The following ITFG2 variants were observed in gnomAD, a reference collection of about 807,000 sequenced individuals.
ITFG2 encodes the protein KICSTOR complex protein ITFG2.
A neutral mutation model predicts 54.4 loss-of-function variants in ITFG2; 36 were observed. The ratio of observed to expected loss-of-function variants is 0.66; its 90% CI spans 0.51 to 0.87. The LOEUF (loss-of-function observed/expected upper bound fraction) is 0.87, where lower values mean the gene tolerates loss of function less well. Ranked by LOEUF, ITFG2 falls within the 40% of genes least tolerant of loss-of-function variation. The pLI, the probability that ITFG2 is intolerant of heterozygous loss-of-function variation, is 0.00. For synonymous variants in ITFG2, 211 were observed against 225.4 expected (o/e 0.94, Z 0.57); for missense variants, 524 against 576.7 (o/e 0.91, Z 0.94).
chr12:2,833,791 A>G (rs2098014853), upstream of ITFG2, among the ~76,000 whole-genome samples: 2 of 152,184 alleles, frequency 1.3e-5, no homozygotes, highest in African/African-American at 4.8e-5. Context: ...TGCTTTAAAT[A>G]TATTAGCTCT....
At chr12:2,836,670 T>C (rs561952101), upstream of ITFG2, 1 of 152,316 alleles carries the variant, frequency 6.6e-6, no homozygotes, top group South Asian at 2.1e-4. Context: ...AGATAGGGCC[T>C]TTACAGATAT....
Position 2,824,206 on chromosome 12 carries a change from C to A in ITFG2, c.*13C>A. ...GGATCCCACCTAGCTGTACTTGCCT[C>A]ATAGCTGGTGAAGGATTCTTCTGAA... is the stretch of plus-strand genomic sequence containing the variant. On this transcript the variant is annotated 3_prime_UTR_variant, in exon 12 of 12. Transcript: ENST00000228799. 1 of 1,611,566 alleles carries A rather than the reference C, an allele frequency of 6.2e-7. No individual in the cohort carries two copies. Among genetic ancestry groups the A allele is most frequent in the South Asian group, 1.1e-5 (1 of 91,030 alleles).
rs1235829639 is a variant in ITFG2, at chr12:2,845,768, G to A, written n.300+4773G>A. On this transcript the variant is annotated intron_variant and non_coding_transcript_variant, in intron 2 of 3. Transcript: ENST00000537710. The surrounding 1 kb of genome is among the most constrained non-coding windows in gnomAD (Gnocchi z 4.2). ...ATTCCCCCCACCCCACCCCACCAAA[G>A]GCTTTCAGGACCTCTAGGTTCATTC... 6.6e-6 allele frequency among the ~76,000 whole-genome samples: 1 copy of A among 152,160 alleles called. No individual in the cohort carries two copies. Among genetic ancestry groups the A allele is most frequent in the Non-Finnish European group, 1.5e-5 (1 of 68,030 alleles).
At chr12:2,852,814 A>G (rs1295875464) in intron 2 of ITFG2, among the ~76,000 whole-genome samples, 1 of 152,038 alleles carries the variant, frequency 6.6e-6, no homozygotes, top group East Asian at 1.9e-4. Flanking sequence ...CCTGGCCAAC[A>G]TGGAGAAACC....
At chr12:2,815,330 T>G (rs1419794668) in intron 1 of ITFG2, among the ~76,000 whole-genome samples, 1 of 152,192 alleles carries the variant, frequency 6.6e-6, no homozygotes, top group Non-Finnish European at 1.5e-5. Flanking sequence ...AAGTGGGGTT[T>G]GAAGCCACTT....
chr12:2,838,927 G>T (rs1030551302), intron 1 of ITFG2, among the ~76,000 whole-genome samples: 7 of 151,950 alleles, frequency 4.6e-5, no homozygotes, highest in Non-Finnish European at 1.5e-5. Context: ...CTAGGCGAGC[G>T]GCCCGGCCTT....
At chr12:2,820,939 C>T (rs1405511742) in intron 6 of ITFG2, 67 bp downstream of exon 6, 23 of 1,542,678 alleles carry the variant, frequency 1.5e-5, no homozygotes, top group Non-Finnish European at 2.0e-5. Context: ...CCAGATGCCA[C>T]ATGGTAGTAA....
chr12:2,834,787 G>GTCCTGGCTTCTCCCTCATCTC, upstream of ITFG2: 1 of 1,613,636 alleles, frequency 6.2e-7, no homozygotes, highest in Non-Finnish European at 8.5e-7. Flanking sequence ...CTGCCCCCTC[G>GTCCTGGCTTCTCCCTCATCTC]TCCTGGCTTC....
chr12:2,839,765 A>G (rs1445259611), intron 1 of ITFG2, among the ~76,000 whole-genome samples: 2 of 152,202 alleles, frequency 1.3e-5, no homozygotes, highest in Non-Finnish European at 2.9e-5. Context: ...ATGGAATAGT[A>G]TGGAGCCATA....
At chr12:2,821,165 C>A in intron 6 of ITFG2, 97 bp from the exon 7 acceptor site, 1 of 1,008,982 alleles carries the variant, frequency 9.9e-7, no homozygotes, top group South Asian at 1.5e-5. Context: ...TAAGCTGATT[C>A]AAATCCCAGA....
At chr12:2,855,572 G>T in intron 2 of ITFG2, 1 of 685,668 alleles carries the variant, frequency 1.5e-6, no homozygotes, top group Non-Finnish European at 2.2e-6. Context: ...TGAGGACGCA[G>T]AAGTCCTGGC....
Position 2,822,737 on chromosome 12 carries a change from C to A in ITFG2, c.949-57C>A, listed in dbSNP as rs967665320. 59 of 1,448,762 alleles carry A rather than the reference C, an allele frequency of 4.1e-5. No homozygotes were observed. The African/African-American group carries it at 7.3e-4, about 18-fold the overall frequency. The allele number at this position is 1,448,762 out of a possible 1,614,324, so 89.7% of individuals were successfully genotyped here. The stretch of plus-strand genomic sequence containing the variant: ...AATTCCTCCCCAGCTCGCTGTTTGT[C>A]ATCCAGAATCCAGTCCACAGCTCCT... On this transcript the variant is annotated intron_variant, in intron 9 of 11. Coordinates refer to ENST00000228799, the MANE Select transcript of ITFG2 (RefSeq NM_018463.4).
chr12:2,855,084 C>T (rs747783309), intron 2 of ITFG2: 157 of 1,535,876 alleles, frequency 1.0e-4, no homozygotes, highest in Non-Finnish European at 1.1e-4. Flanking sequence ...TGTTTTGCCC[C>T]ATCCAGGAGG....
chr12:2,817,168 T>C (rs1222454371), intron 1 of ITFG2, 55 bp from the exon 2 acceptor site: 9 of 1,164,818 alleles, frequency 7.7e-6, no homozygotes, highest in Admixed American at 1.8e-5. Flanking sequence ...AGAGAAGAGC[T>C]TGAAGAGGTT....
chr12:2,851,744 T>A (rs2098071723), intron 2 of ITFG2, among the ~76,000 whole-genome samples: 1 of 152,014 alleles, frequency 6.6e-6, no homozygotes, highest in Admixed American at 6.6e-5. Context: ...AGTGGCGTGA[T>A]CTCAGCTCAC....
intron 9 of ITFG2, among the ~76,000 whole-genome samples, chr12:2,822,437 G>T (rs2097948680): frequency 6.6e-6 from 1 of 152,160 alleles, no homozygotes; most frequent in Admixed American, 6.5e-5. Flanking sequence ...GTCCATATAT[G>T]AATCTCTATT....
At position 2,854,840 on chromosome 12, in the gene ITFG2, A is replaced by C. The variant is rs2098082133; in HGVS notation, n.301-3172A>C. 3.4e-6 allele frequency: 5 copies of C among 1,460,398 alleles called. No individual in the cohort carries two copies. The South Asian group carries it at 6.8e-5, about 20-fold the overall frequency. The allele number at this position is 1,460,398 out of a possible 1,614,324, so 90.5% of individuals were successfully genotyped here. A position where few individuals can be genotyped will look rare whatever the true frequency, so the allele number is the denominator to read the frequency against. ...TTAGAAACAGGAACCTGAGAGAGGG[A>C]GGGGTCACCTGGGCAGGGCAGGCTG... On this transcript the variant is annotated intron_variant and non_coding_transcript_variant, in intron 2 of 3. Coordinates refer to the ITFG2 transcript ENST00000537710.
chr12:2,859,313 CCTCCT>C, intron 3 of ITFG2: 2 of 1,613,008 alleles, frequency 1.2e-6, no homozygotes, highest in Non-Finnish European at 1.7e-6. Flanking sequence ...GGCTCCTCTC[CCTCCT>C]CTCCCTGTGT....
At chr12:2,841,326 C>T (rs781045543) in intron 2 of ITFG2, among the ~76,000 whole-genome samples, 87 of 152,338 alleles carry the variant, frequency 5.7e-4, no homozygotes, top group Middle Eastern at 3.4e-3. Context: ...CCACTGAGTG[C>T]GTTCTCAGAC....
Sources: gnomAD v4.1 joint callset for allele counts (sites outside exome capture counted in the v4.1 genomes callset) on GRCh38, gnomAD v4.1.1 for gene constraint, Gnocchi (gnomAD v3.1) non-coding constraint, MANE v1.5 for transcripts, NCBI Gene and HGNC (gene_info 2026-07-23, HGNC 2026-07-21) for gene names.